Variants in PCLO observed in about 807,000 individuals in gnomAD.
PCLO encodes piccolo presynaptic cytomatrix protein.
In PCLO, 82 loss-of-function variants were observed where a neutral mutation model predicts 427.5. The ratio of observed to expected loss-of-function variants is 0.19; its 90% CI spans 0.16 to 0.23. PCLO has a LOEUF of 0.23. PCLO is among the 10% of genes least tolerant of loss of function. The pLI is 1.00. For missense variants in PCLO, 6,239 were observed against 6,115.9 expected (o/e 1.02, Z -0.67); for synonymous variants, 2,357 against 2,155.4 (o/e 1.09, Z -2.59).
intron 10 of PCLO, among the ~76,000 whole-genome samples, chr7:82,860,617 G>T (rs1410617386): frequency 6.6e-6 from 1 of 151,830 alleles, no homozygotes; most frequent in Non-Finnish European, 1.5e-5. Flanking sequence ...ATCACCTGAT[G>T]GTCCAAAATT....
In PCLO at chr7:82,954,515, T is replaced by A. The variant is rs748305484; in HGVS notation, c.6438A>T (p.Val2146=). 6.2e-7 allele frequency: 1 copy of A among 1,613,978 alleles called. No homozygotes were observed. Among genetic ancestry groups the A allele is most frequent in the Non-Finnish European group, 8.5e-7 (1 of 1,179,846 alleles). ...CTTGAATTTCTCTTGTATAATCGGTTACATATTCATCCTCAATTTCTTCTG... is the reference window on the plus strand; with the variant it reads ...CTTGAATTTCTCTTGTATAATCGGTAACATATTCATCCTCAATTTCTTCTG... ...FSTEEIEDEY[V]TDYTREIQEI... The change falls in exon 5 of 25, where the codon GTA becomes GTT. Residue 2146 remains valine, a synonymous_variant. Transcript: ENST00000333891.
intron 6 of PCLO, among the ~76,000 whole-genome samples, chr7:82,931,045 C>G (rs1032783026): frequency 6.6e-6 from 1 of 152,084 alleles, no homozygotes; most frequent in Admixed American, 6.6e-5. Flanking sequence ...AAGACTGATG[C>G]ACTTTTGAAA....
At chr7:83,150,017 C>T (rs554678107) in intron 2 of PCLO, among the ~76,000 whole-genome samples, 2 of 152,126 alleles carry the variant, frequency 1.3e-5, no homozygotes, top group African/African-American at 4.8e-5. Flanking sequence ...GAGAAAACTT[C>T]GCTTAAATCC....
intron 9 of PCLO, among the ~76,000 whole-genome samples, chr7:82,893,420 T>C (rs1272624776): frequency 2.0e-5 from 3 of 151,750 alleles, no homozygotes; most frequent in Non-Finnish European, 4.4e-5. Context: ...CTGGGCCCTG[T>C]TGTGGGGTCA....
intron 6 of PCLO, among the ~76,000 whole-genome samples, chr7:82,942,144 T>C (rs1795101514): frequency 6.6e-6 from 1 of 152,080 alleles, no homozygotes; most frequent in Non-Finnish European, 1.5e-5. Flanking sequence ...ACATCATTGC[T>C]CAAGTCAATC....
At position 82,949,471 on chromosome 7, in the gene PCLO, C is replaced by G; in HGVS notation, c.11112+5G>C. 6.4e-7 allele frequency: 1 copy of G among 1,565,632 alleles called. No individual in the cohort carries two copies. Among genetic ancestry groups the G allele is most frequent in the Non-Finnish European group, 8.6e-7 (1 of 1,157,876 alleles). On this transcript the variant is annotated splice_donor_5th_base_variant and intron_variant, in intron 6 of 24. Coordinates refer to ENST00000333891, the MANE Select transcript of PCLO (RefSeq NM_033026.6). The stretch of plus-strand genomic sequence containing the variant: ...TGCCTTCCAACTGAAAAGAATCACT[C>G]TTACCGTATAGCCCTCGGTATACTG...
At chr7:82,802,182 T>C (rs1432819645) in intron 21 of PCLO, among the ~76,000 whole-genome samples, 1 of 151,904 alleles carries the variant, frequency 6.6e-6, no homozygotes, top group Non-Finnish European at 1.5e-5. Flanking sequence ...CTATGGGTAA[T>C]GTAAGGCAAA....
chr7:82,772,258 C>T (rs957503818), intron 22 of PCLO, among the ~76,000 whole-genome samples: 2 of 152,094 alleles, frequency 1.3e-5, no homozygotes, highest in Non-Finnish European at 2.9e-5. Context: ...TGTCCCATGC[C>T]ACTAAGCTGA....
chr7:83,057,089 T>C (rs1452437121), intron 3 of PCLO, among the ~76,000 whole-genome samples: 3 of 150,524 alleles, frequency 2.0e-5, no homozygotes, highest in Non-Finnish European at 1.5e-5. Context: ...ACCATATATA[T>C]ATATATTTTT....
Position 82,758,429 on chromosome 7 carries a change from T to G in PCLO, c.*146A>C. 8.9e-6 allele frequency: 5 copies of G among 564,240 alleles called. No individual in the cohort carries two copies. Among genetic ancestry groups the G allele is most frequent in the Non-Finnish European group, 9.1e-6 (3 of 329,584 alleles). 35.0% of individuals were successfully genotyped at this position (564,240 alleles called of 1,614,324 possible). On this transcript the variant is annotated 3_prime_UTR_variant, in exon 25 of 25. Coordinates refer to ENST00000333891, the MANE Select transcript of PCLO (RefSeq NM_033026.6). ...TCTTTGTGTGATCCACAACAATAAA[T>G]GTACAAGGTCTTAAGTATGTTTTTG...
intron 8 of PCLO, among the ~76,000 whole-genome samples, chr7:82,904,868 C>A (rs1794147966): frequency 1.3e-5 from 2 of 152,008 alleles, no homozygotes; most frequent in South Asian, 4.1e-4. Context: ...AGACTGTCTA[C>A]CCTGTCTGCA....
chr7:83,014,530 A>G (rs1437340336), intron 3 of PCLO, among the ~76,000 whole-genome samples: 3 of 152,110 alleles, frequency 2.0e-5, no homozygotes, highest in Non-Finnish European at 4.4e-5. Context: ...TGAAAGTAAT[A>G]CACCTAAAAA....
At chr7:82,995,786 G>A (rs900231615) in intron 3 of PCLO, among the ~76,000 whole-genome samples, 4 of 151,738 alleles carry the variant, frequency 2.6e-5, no homozygotes, top group African/African-American at 9.7e-5. Context: ...ATTCAGTTTT[G>A]TGAAAAAATT....
In PCLO at chr7:82,827,905, T is replaced by A. The variant is rs767521687; in HGVS notation, c.14311A>T (p.Thr4771Ser). The A allele has an allele frequency of 6.3e-7, 1 of 1,598,596 alleles. No homozygotes were observed. The highest frequency in any genetic ancestry group is 1.3e-5 in the African/African-American group (1 of 74,640). The change falls in exon 17 of 25, where the codon ACA becomes TCA. Residue 4771 changes from threonine to serine, a missense_variant. Physicochemically the swap from Thr to Ser is moderately conservative, Grantham distance 58. Around this residue, in one of 5 missense-constraint regions of PCLO, gnomAD observed 877 missense variants for 925.5 expected, o/e 0.95. Transcript: ENST00000333891. ...ATGGAAATACTTTTATAAATTACTG[T>A]TTGATTCCACTCAGGATTAAGACTT... ...QKSLNPEWNQ[T>S]VIYKSISMEQ...
chr7:83,143,568 C>G (rs532625797), intron 2 of PCLO, among the ~76,000 whole-genome samples: 1 of 134,778 alleles, frequency 7.4e-6, no homozygotes, highest in South Asian at 2.4e-4. Context: ...TGAATGCTAG[C>G]AATAAAATTT....
intron 10 of PCLO, among the ~76,000 whole-genome samples, chr7:82,853,657 A>G (rs1296622263): frequency 2.0e-5 from 3 of 152,146 alleles, no homozygotes. Flanking sequence ...TATATAGATA[A>G]ATATTTTCTT....
chr7:83,044,709 C>T (rs1789062944), intron 3 of PCLO, among the ~76,000 whole-genome samples: 1 of 152,012 alleles, frequency 6.6e-6, no homozygotes, highest in African/African-American at 2.4e-5. Flanking sequence ...ATTTGGAACA[C>T]TAAATTGCAT....
intron 10 of PCLO, among the ~76,000 whole-genome samples, chr7:82,853,503 T>A (rs978333487): frequency 6.6e-6 from 1 of 152,144 alleles, no homozygotes; most frequent in Non-Finnish European, 1.5e-5. Context: ...TTATTGAAAA[T>A]GAAATCTTAA....
intron 3 of PCLO, among the ~76,000 whole-genome samples, 179 bp from the exon 4 acceptor site, chr7:82,966,666 T>C (rs1228659809): frequency 2.0e-5 from 3 of 152,192 alleles, no homozygotes; most frequent in Non-Finnish European, 4.4e-5. Context: ...AAAAAGGCTA[T>C]TTGAACTGTA....
Sources: allele counts gnomAD v4.1 joint callset (sites outside exome capture counted in the v4.1 genomes callset), GRCh38; gene constraint gnomAD v4.1.1; regional missense constraint gnomAD v4.1.1; transcripts MANE v1.5; gene names NCBI Gene and HGNC (gene_info 2026-07-23, HGNC 2026-07-21).